Variants in POU6F2 observed in about 807,000 individuals in gnomAD.
POU6F2 encodes POU domain, class 6, transcription factor 2.
A neutral mutation model predicts 71.3 loss-of-function variants in POU6F2; 31 were observed. The observed-to-expected ratio is 0.43, with a 90% CI of 0.33 to 0.59. POU6F2 has a LOEUF of 0.59. Ranked by LOEUF, POU6F2 falls within the 20% of genes least tolerant of loss-of-function variation. POU6F2 has a pLI of 0.04. For synonymous variants in POU6F2, 347 were observed against 355.7 expected (o/e 0.98, Z 0.27); for missense variants, 783 against 856.8 (o/e 0.91, Z 1.07).
intron 6 of POU6F2, among the ~76,000 whole-genome samples, chr7:39,426,396 T>G (rs1787972513): frequency 6.6e-6 from 1 of 152,186 alleles, no homozygotes; most frequent in African/African-American, 2.4e-5. Flanking sequence ...CTCTCTGGTG[T>G]TGTCCCAGTG....
chr7:39,005,484 C>CTGTGTGTGTGTGTGTGTGTGTGTG (rs56984287), intron 1 of POU6F2, among the ~76,000 whole-genome samples: 4,594 of 126,432 alleles, frequency 0.036, 194 homozygotes, highest in Middle Eastern at 0.098. Flanking sequence ...AGGGAGAAAC[C>CTGTGTGTGTGTGTGTGTGTGTGTG]TGTGTGTGTG....
At chr7:39,207,359 G>C in intron 3 of POU6F2, 33 bp from the exon 4 acceptor site, 2 of 1,596,832 alleles carry the variant, frequency 1.3e-6, no homozygotes, top group South Asian at 2.2e-5. Flanking sequence ...GGTTCCACAG[G>C]AAAGTGAGCT....
intron 1 of POU6F2, among the ~76,000 whole-genome samples, chr7:39,027,159 T>C (rs1789827051): frequency 6.6e-6 from 1 of 152,176 alleles, no homozygotes; most frequent in Non-Finnish European, 1.5e-5. Context: ...TATAGTGTAC[T>C]CCCAGGGTGT....
intron 2 of POU6F2, among the ~76,000 whole-genome samples, chr7:39,128,662 TA>T (rs1171158448): frequency 6.6e-6 from 1 of 152,226 alleles, no homozygotes; most frequent in Non-Finnish European, 1.5e-5. Context: ...AAATTGGTGG[TA>T]TTTTATTCTT....
rs748826034 is a variant in POU6F2, at chr7:39,207,429, C to G, written c.407C>G (p.Ala136Gly). 2 of 1,613,942 alleles carry G rather than the reference C, an allele frequency of 1.2e-6. No individual in the cohort carries two copies. Among genetic ancestry groups the G allele is most frequent in the East Asian group, 4.5e-5 (2 of 44,864 alleles). Reference sequence around the variant, plus strand: ...GCACAGCAGTTAGCTTCTGCTGTGGCCGGCGTGATGCCGGGAGGCCCCCCA... The same window carrying G: ...GCACAGCAGTTAGCTTCTGCTGTGGGCGGCGTGATGCCGGGAGGCCCCCCA... ...LTAQQLASAV[A>G]GVMPGGPPAL... is the part of the protein sequence containing the mutation. The change falls in exon 4 of 10, where the codon GCC becomes GGC. Residue 136 changes from alanine to glycine, a missense_variant. Physicochemically the swap from Ala to Gly is moderately conservative, Grantham distance 60. Around this residue, in one of 2 missense-constraint regions of POU6F2, gnomAD observed 572 missense variants for 572.9 expected, o/e 1.00. Transcript: ENST00000518318.
At chr7:39,087,159 AATTTATTTATTT>A (rs35190834) in intron 2 of POU6F2, among the ~76,000 whole-genome samples, 53 of 125,742 alleles carry the variant, frequency 4.2e-4, no homozygotes, top group Admixed American at 1.4e-3. Context: ...TTAATTAATT[AATTTATTTATTT>A]ATTTATTTAT....
chr7:39,309,074 C>A (rs1785105497), intron 4 of POU6F2, among the ~76,000 whole-genome samples: 1 of 152,220 alleles, frequency 6.6e-6, no homozygotes, highest in African/African-American at 2.4e-5. Flanking sequence ...CACCCACCCT[C>A]CTGTTTGTTT....
At chr7:39,067,350 G>T (rs771943935) in intron 1 of POU6F2, among the ~76,000 whole-genome samples, 2 of 151,766 alleles carry the variant, frequency 1.3e-5, no homozygotes, top group Non-Finnish European at 3.0e-5. Context: ...GGGTGTATAT[G>T]CATGTCTTTT....
chr7:39,044,949 GT>G (rs1253644163), intron 1 of POU6F2, among the ~76,000 whole-genome samples: 1 of 151,856 alleles, frequency 6.6e-6, no homozygotes, highest in Non-Finnish European at 1.5e-5. Context: ...CAGGGGCATG[GT>G]TTGGTCCCTT....
chr7:39,242,657 G>A (rs970953929), intron 4 of POU6F2, among the ~76,000 whole-genome samples: 1 of 152,068 alleles, frequency 6.6e-6, no homozygotes, highest in Non-Finnish European at 1.5e-5. Context: ...CCAAGTCTGA[G>A]GGGATGAGAA....
intron 2 of POU6F2, among the ~76,000 whole-genome samples, chr7:39,147,964 C>T (rs1792656074): frequency 1.3e-5 from 2 of 152,204 alleles, no homozygotes; most frequent in Admixed American, 6.5e-5. Context: ...TTTTTAAATA[C>T]TTCAAATGTT....
rs184999387 is a variant in POU6F2 at position 39,293,833 on chromosome 7, A to G, written c.599-45809A>G. On this transcript the variant is annotated intron_variant, in intron 4 of 9. Transcript: ENST00000518318. ...GAACGAGGACATCTCTTTTTCTACA[A>G]CCCTGTGAGGTGAGGTGAAATTGCA... is the stretch of plus-strand genomic sequence containing the variant. Among the ~76,000 whole-genome samples the G allele has an allele frequency of 9.9e-5, 15 of 152,178 alleles. No homozygotes were observed. The East Asian group carries it at 2.9e-3, about 29-fold the overall frequency.
At chr7:39,241,294 A>G (rs1417384668) in intron 4 of POU6F2, among the ~76,000 whole-genome samples, 2 of 152,200 alleles carry the variant, frequency 1.3e-5, no homozygotes, top group African/African-American at 4.8e-5. Flanking sequence ...ATTGCTCCAG[A>G]ATTAAATATC....
chr7:39,264,115 T>C (rs745707547), intron 4 of POU6F2, among the ~76,000 whole-genome samples: 1 of 152,222 alleles, frequency 6.6e-6, no homozygotes, highest in Non-Finnish European at 1.5e-5. Context: ...GTGAGGACCA[T>C]GGGCCCTAGA....
intron 4 of POU6F2, among the ~76,000 whole-genome samples, chr7:39,283,594 A>G (rs986853971): frequency 6.6e-6 from 1 of 152,208 alleles, no homozygotes. Context: ...TGTAGTATGT[A>G]TCAGAATTTC....
chr7:39,113,112 TTGAATTTAAATTCCAAAACTA>T (rs1293920644), intron 2 of POU6F2, among the ~76,000 whole-genome samples: 1 of 152,192 alleles, frequency 6.6e-6, no homozygotes, highest in Non-Finnish European at 1.5e-5. Context: ...TATCATTGTC[TTGAATTTAAATTCCAAAACTA>T]TGCTCAAGGA....
chr7:39,028,780 A>C (rs2128708568), intron 1 of POU6F2, among the ~76,000 whole-genome samples: 1 of 152,236 alleles, frequency 6.6e-6, no homozygotes, highest in South Asian at 2.1e-4. Flanking sequence ...TTTCAGGCTT[A>C]TTCCTATGTA....
intron 4 of POU6F2, among the ~76,000 whole-genome samples, chr7:39,232,871 A>T (rs1794600977): frequency 6.6e-6 from 1 of 152,226 alleles, no homozygotes; most frequent in Non-Finnish European, 1.5e-5. Context: ...GGACTTGCCC[A>T]TGAAATGAAG....
At chr7:39,082,572 A>C (rs1881131) in intron 1 of POU6F2, among the ~76,000 whole-genome samples, 128,804 of 152,038 alleles carry the variant, frequency 0.85, 55,041 homozygotes, top group East Asian at 1. Flanking sequence ...TCTCTTCACT[A>C]CGACAGAAAG....
Sources: allele counts gnomAD v4.1 joint callset (sites outside exome capture counted in the v4.1 genomes callset), GRCh38; gene constraint gnomAD v4.1.1; regional missense constraint gnomAD v4.1.1; transcripts MANE v1.5; gene names NCBI Gene and HGNC (gene_info 2026-07-23, HGNC 2026-07-21).